Variants in TJP1 observed in about 807,000 individuals in gnomAD.
TJP1 encodes the protein tight junction protein ZO-1.
In TJP1, 43 loss-of-function variants were observed where a neutral mutation model predicts 194.2. The ratio of observed to expected loss-of-function variants is 0.22; its 90% confidence interval spans 0.17 to 0.29. The LOEUF (loss-of-function observed/expected upper bound fraction) is 0.29, where lower values mean the gene tolerates loss of function less well. Among genes scored for constraint, TJP1 ranks in the 10% least tolerant of loss-of-function variants. TJP1 has a pLI of 1.00. For synonymous variants in TJP1, 801 were observed against 779.0 expected, an observed-to-expected ratio of 1.03 and a Z score of -0.47; for missense variants, 1,971 against 2,185.7, an observed-to-expected ratio of 0.90 and a Z score of 1.96.
rs979808903 is a variant in TJP1 at position 29,822,351 on chromosome 15, C to T, written c.-323G>A. Reference sequence around the variant, plus strand: ...CGGTCGCCCGCCCGTCAGCAGCACCCGTGGCCTCCCGGCGTCTCCTCGGAA... The same window carrying T: ...CGGTCGCCCGCCCGTCAGCAGCACCTGTGGCCTCCCGGCGTCTCCTCGGAA... On this transcript the variant is annotated 5_prime_UTR_variant, in exon 1 of 28. Transcript: ENST00000614355. 5 of 1,051,260 alleles carry T rather than the reference C, an allele frequency of 4.8e-6. No homozygotes were observed. The highest frequency in any genetic ancestry group is 5.7e-6 in the Non-Finnish European group (5 of 872,406). 65.1% of individuals were successfully genotyped at this position (1,051,260 alleles called of 1,614,324 possible).
chr15:29,921,743 A>G (rs2054365666), intron 2 of TJP1, among the ~76,000 whole-genome samples: 1 of 152,242 alleles, frequency 6.6e-6, no homozygotes, highest in South Asian at 2.1e-4. Context: ...CATAATCAAA[A>G]GAAGAGAGAA....
At chr15:29,763,566 G>C (rs1399101233) in intron 5 of TJP1, among the ~76,000 whole-genome samples, 1 of 151,908 alleles carries the variant, frequency 6.6e-6, no homozygotes, top group Non-Finnish European at 1.5e-5. Context: ...TCAGGAGTTC[G>C]AGACCAGCCT....
At chr15:29,901,142 AG>A (rs1376692792) in intron 2 of TJP1, among the ~76,000 whole-genome samples, 1 of 152,192 alleles carries the variant, frequency 6.6e-6, no homozygotes, top group African/African-American at 2.4e-5. Flanking sequence ...GTGATAGAGA[AG>A]GGCATTGACG....
chr15:29,960,436 C>T (rs1443448619), intron 1 of TJP1, among the ~76,000 whole-genome samples: 1 of 151,806 alleles, frequency 6.6e-6, no homozygotes, highest in African/African-American at 2.4e-5. Flanking sequence ...AGTTTGAGAC[C>T]AGCTTGGGCA....
intron 2 of TJP1, among the ~76,000 whole-genome samples, chr15:29,943,227 G>A (rs1266332492): frequency 6.6e-6 from 1 of 152,160 alleles, no homozygotes; most frequent in Non-Finnish European, 1.5e-5. Context: ...TTTAAAACAT[G>A]CATTCAGTCA....
exon 1 of TJP1, chr15:29,968,880 C>T: frequency 5.4e-6 from 2 of 367,736 alleles, no homozygotes; most frequent in Non-Finnish European, 7.5e-6. Context: ...CAGCTCCCAC[C>T]GCTCCCGCGC....
rs1475310359 is a variant in TJP1, at chr15:29,885,807, T to C, written c.306+70425A>G. ...ATAAAAACAAACATATGATGTTTTA[T>C]CTGTTTTGTAAAAATCATTTTTCCT... is the stretch of plus-strand genomic sequence containing the variant. On this transcript the variant is annotated intron_variant, in intron 2 of 28. Transcript: ENST00000356107. Among the ~76,000 whole-genome samples the C allele has an allele frequency of 8.5e-5, 13 of 152,358 alleles. No individual in the cohort carries two copies. In the East Asian group the frequency reaches 1.7e-3, roughly 20 times the overall value.
intron 2 of TJP1, among the ~76,000 whole-genome samples, chr15:29,924,936 C>T (rs979543665): frequency 1.3e-5 from 2 of 152,212 alleles, no homozygotes; most frequent in Non-Finnish European, 2.9e-5. Context: ...TTAGCTTTTG[C>T]TGAAATGCTG....
Position 29,732,421 on chromosome 15 carries a change from G to C in TJP1, c.2017+12C>G, listed in dbSNP as rs746795560. 11 of 1,609,570 alleles carry C rather than the reference G, an allele frequency of 6.8e-6. No homozygotes were observed. Among genetic ancestry groups the C allele is most frequent in the Non-Finnish European group, 8.5e-6 (10 of 1,177,354 alleles). On this transcript the variant is annotated intron_variant, in intron 15 of 27. Coordinates refer to ENST00000614355, the MANE Select transcript of TJP1 (RefSeq NM_001330239.4). Reference sequence around the variant, plus strand: ...TCCCAACCTCATTTAAGTTAGCCTTGAGGCTACTTACTTGCAATTTGATAA... The same window carrying C: ...TCCCAACCTCATTTAAGTTAGCCTTCAGGCTACTTACTTGCAATTTGATAA...
intron 2 of TJP1, among the ~76,000 whole-genome samples, chr15:29,906,840 A>T (rs2053831789): frequency 6.6e-6 from 1 of 151,942 alleles, no homozygotes; most frequent in African/African-American, 2.4e-5. Flanking sequence ...TCAGTCTCCC[A>T]AAGTGCTGGG....
intron 2 of TJP1, among the ~76,000 whole-genome samples, chr15:29,836,080 G>C (rs764861942): frequency 1.5e-4 from 23 of 152,106 alleles, no homozygotes; most frequent in Admixed American, 7.2e-4. Context: ...ACTAAATCCA[G>C]AGCACTCTCT....
At chr15:29,783,133 G>A (rs905819652) in intron 2 of TJP1, among the ~76,000 whole-genome samples, 2 of 152,100 alleles carry the variant, frequency 1.3e-5, no homozygotes, top group South Asian at 2.1e-4. Context: ...AATTAGCCAG[G>A]CGTGGTGGTG....
chr15:29,727,567 G>A (rs939244583), intron 16 of TJP1, among the ~76,000 whole-genome samples: 4 of 152,148 alleles, frequency 2.6e-5, no homozygotes, highest in Non-Finnish European at 4.4e-5. Context: ...CCCTAACACC[G>A]CAATCTGACA....
chr15:29,935,711 C>A (rs1596287032), intron 2 of TJP1, among the ~76,000 whole-genome samples: 1 of 152,052 alleles, frequency 6.6e-6, no homozygotes, highest in East Asian at 1.9e-4. Context: ...CAAGAGGTCC[C>A]CTACACCCCC....
In TJP1 at chr15:29,890,580, G is replaced by T. The variant is rs190022335; in HGVS notation, c.306+65652C>A. On this transcript the variant is annotated intron_variant, in intron 2 of 28. Transcript: ENST00000356107. The stretch of plus-strand genomic sequence containing the variant: ...TTTTCTGAAAAGAGCAAAGAGTAAT[G>T]TTCTGGTAAATATGGCCTGGAATCC... Among the ~76,000 whole-genome samples the T allele has an allele frequency of 7.9e-5, 12 of 152,066 alleles. No homozygotes were observed. In the East Asian group the frequency reaches 2.3e-3, roughly 29 times the overall value.
chr15:29,911,383 G>A (rs748995241), intron 2 of TJP1, among the ~76,000 whole-genome samples: 14 of 152,130 alleles, frequency 9.2e-5, no homozygotes, highest in Non-Finnish European at 1.9e-4. Flanking sequence ...ATAAGAAGGG[G>A]GAATGTACTA....
intron 2 of TJP1, among the ~76,000 whole-genome samples, chr15:29,935,743 T>C (rs2054861719): frequency 6.6e-6 from 1 of 152,094 alleles, no homozygotes; most frequent in African/African-American, 2.4e-5. Context: ...CTTCACCTCC[T>C]TGCATCAACA....
intron 2 of TJP1, among the ~76,000 whole-genome samples, chr15:29,857,293 GT>G (rs919384251): frequency 1.1e-3 from 160 of 140,096 alleles, no homozygotes; most frequent in African/African-American, 2.5e-3. Flanking sequence ...AATGGATACT[GT>G]TTTTTTTTTT....
At chr15:29,820,354 A>C (rs1015639113) in intron 1 of TJP1, among the ~76,000 whole-genome samples, 3 of 152,132 alleles carry the variant, frequency 2.0e-5, no homozygotes, top group Admixed American at 2.0e-4. Context: ...TCTATATAAA[A>C]TTCTGAAGTG....
Sources: allele counts gnomAD v4.1 joint callset (sites outside exome capture counted in the v4.1 genomes callset), GRCh38; gene constraint gnomAD v4.1.1; transcripts MANE v1.5; gene names NCBI Gene and HGNC (gene_info 2026-07-23, HGNC 2026-07-21).